ABCB9: variants seen among roughly 807,000 people sequenced by gnomAD.
ABCB9 encodes ATP binding cassette subfamily B member 9, also known as ABC-type oligopeptide transporter ABCB9.
A neutral mutation model predicts 62.0 loss-of-function variants in ABCB9; 36 were observed. That is an observed-to-expected ratio of 0.58 (90% CI 0.45 to 0.77). The LOEUF is 0.77. ABCB9 is among the 30% of genes least tolerant of loss of function. The probability of loss-of-function intolerance (pLI) is 0.00; values close to 1 mark genes in which losing one functional copy is unlikely to be tolerated. For missense variants in ABCB9, 943 were observed against 1,054.7 expected (o/e 0.89, Z 1.47); for synonymous variants, 435 against 461.4 (o/e 0.94, Z 0.73).
At chr12:122,928,789 C>T (rs757631072), downstream of ABCB9, among the ~76,000 whole-genome samples, 1 of 152,056 alleles carries the variant, frequency 6.6e-6, no homozygotes, top group African/African-American at 2.4e-5. Context: ...GCGCAATCCC[C>T]GTGGAGACAG....
downstream of ABCB9, among the ~76,000 whole-genome samples, chr12:122,928,468 C>CAAA (rs60751364): frequency 2.3e-5 from 2 of 87,438 alleles, no homozygotes; most frequent in Non-Finnish European, 5.1e-5. Flanking sequence ...GGCTCTGTCT[C>CAAA]AAAAAAAAAA....
chr12:122,973,574 A>G (rs2037315788), intron 1 of ABCB9, among the ~76,000 whole-genome samples: 1 of 126,148 alleles, frequency 7.9e-6, no homozygotes, highest in Non-Finnish European at 1.6e-5. Flanking sequence ...CCGTCTCAAA[A>G]AAAGAAAAAA....
chr12:122,973,518 T>G (rs531232021), intron 1 of ABCB9, among the ~76,000 whole-genome samples: 1 of 103,260 alleles, frequency 9.7e-6, no homozygotes, highest in African/African-American at 4.0e-5. Context: ...GAGCCGAGAT[T>G]GCGCCACTGC....
intron 4 of ABCB9, among the ~76,000 whole-genome samples, 167 bp downstream of exon 4, chr12:122,949,621 T>A (rs2036244669): frequency 6.6e-6 from 1 of 152,038 alleles, no homozygotes. Flanking sequence ...GCAAGCCAGC[T>A]CCCAGGACAC....
chr12:122,972,104 G>C (rs1307699966), intron 1 of ABCB9, among the ~76,000 whole-genome samples: 1 of 145,238 alleles, frequency 6.9e-6, no homozygotes, highest in Non-Finnish European at 1.5e-5. Flanking sequence ...GAGTGCAGTG[G>C]TGCAATCTTG....
intron 7 of ABCB9, among the ~76,000 whole-genome samples, chr12:122,943,094 C>T (rs910934380): frequency 3.9e-5 from 6 of 152,164 alleles, no homozygotes; most frequent in African/African-American, 1.4e-4. Context: ...AGAGAATTAA[C>T]ACCCTCACTC....
At position 122,929,959 on chromosome 12, in the gene ABCB9, G is replaced by C; in HGVS notation, c.2253C>G (p.Phe751Leu). 6.3e-7 allele frequency: 1 copy of C among 1,581,568 alleles called. No homozygotes were observed. Among genetic ancestry groups the C allele is most frequent in the Non-Finnish European group, 8.6e-7 (1 of 1,165,882 alleles). The part of the protein sequence containing the change: ...QMLGLQPAAD[F>L]TAGHNEPVAN... ...CTACAGGCTCGTTGTGGCCAGCTGT[G>C]AAGTCTGCGGCGGGCTGAAGCCCCA... The change falls in exon 12 of 12, where the codon TTC becomes TTG. Residue 751 changes from phenylalanine to leucine, a missense_variant. By Grantham distance (22) the Phe-to-Leu change is conservative. Coordinates refer to ENST00000280560, the MANE Select transcript of ABCB9 (RefSeq NM_019625.4). The surrounding 1 kb of genome is among the most constrained non-coding windows in gnomAD (Gnocchi z 6.0).
intron 1 of ABCB9, among the ~76,000 whole-genome samples, chr12:122,965,122 C>G (rs1232865657): frequency 6.6e-6 from 1 of 152,152 alleles, no homozygotes; most frequent in Non-Finnish European, 1.5e-5. Flanking sequence ...CTGGGAGGAC[C>G]CTGTGGTCAT....
At chr12:122,948,484 G>A (rs985650874) in intron 5 of ABCB9, 140 bp downstream of exon 5, 15 of 765,930 alleles carry the variant, frequency 2.0e-5, no homozygotes, top group African/African-American at 1.6e-4. Context: ...TTGAATGAGC[G>A]AAGAAATGAA....
intron 9 of ABCB9, among the ~76,000 whole-genome samples, chr12:122,938,901 G>C (rs1219766310): frequency 6.6e-6 from 1 of 151,744 alleles, no homozygotes; most frequent in African/African-American, 2.4e-5. Flanking sequence ...GCGAGGCACG[G>C]TGGCTCACGC....
chr12:122,919,889 A>G (rs1010223403), downstream of ABCB9, among the ~76,000 whole-genome samples: 120 of 111,738 alleles, frequency 1.1e-3, no homozygotes, highest in Middle Eastern at 9.4e-3. Flanking sequence ...TTGTTTATTT[A>G]TTTATTTATT....
intron 9 of ABCB9, among the ~76,000 whole-genome samples, chr12:122,938,215 G>A (rs1455579682): frequency 6.6e-6 from 1 of 152,026 alleles, no homozygotes; most frequent in Non-Finnish European, 1.5e-5. Context: ...TTTTGGTAAT[G>A]GTAAAACAAA....
At position 122,944,471 on chromosome 12, in the gene ABCB9, G is replaced by A; in HGVS notation, c.1300C>T (p.Leu434Phe). The A allele has an allele frequency of 1.2e-6, 2 of 1,614,090 alleles. No individual in the cohort carries two copies. Among genetic ancestry groups the A allele is most frequent in the Non-Finnish European group, 1.7e-6 (2 of 1,179,982 alleles). Reference protein sequence around the residue: ...QVSILYYGGHLVISGQMTSGN... With the variant: ...QVSILYYGGHFVISGQMTSGN... The stretch of plus-strand genomic sequence containing the variant: ...CTGGTCATCTGGCCTGAGATGACAA[G>A]GTGGCCCCCGTAGTAGAGGATGCTG... The change falls in exon 7 of 12, where the codon CTT becomes TTT. Residue 434 changes from leucine (L) to phenylalanine (F), a missense_variant. Coordinates refer to ENST00000280560, the MANE Select transcript of ABCB9 (RefSeq NM_019625.4). The surrounding 1 kb of genome is among the most constrained non-coding windows in gnomAD (Gnocchi z 4.9).
At chr12:122,922,290 T>C (rs559131162) in intron 11 of ABCB9, among the ~76,000 whole-genome samples, 1 of 152,302 alleles carries the variant, frequency 6.6e-6, no homozygotes, top group South Asian at 2.1e-4. Flanking sequence ...AACAAACACA[T>C]GGTACCCACC....
chr12:122,971,386 C>CAAAAAAAAAAAAAAAAAAAAAAAAAAAAA, upstream of ABCB9, among the ~76,000 whole-genome samples: 1 of 53,942 alleles, frequency 1.9e-5, no homozygotes, highest in Non-Finnish European at 4.3e-5. Flanking sequence ...GACTCCATCT[C>CAAAAAAAAAAAAAAAAAAAAAAAAAAAAA]AAAAAAAAAA....
chr12:122,952,029 C>T (rs1449373316), intron 2 of ABCB9: 1 of 152,368 alleles, frequency 6.6e-6, no homozygotes, highest in African/African-American at 2.4e-5. Context: ...CGCCCTTCCA[C>T]CTTCTGCAGC....
At chr12:122,950,590 G>A (rs1439085661) in intron 2 of ABCB9, 25 bp from the exon 3 acceptor site, 4 of 1,591,286 alleles carry the variant, frequency 2.5e-6, no homozygotes, top group Non-Finnish European at 3.4e-6. Context: ...GCAGCCTCAG[G>A]GACGTCTGCA....
rs2035739930 is a variant in ABCB9, at chr12:122,941,055, T to C, written c.1381-60A>G. The C allele has an allele frequency of 2.7e-6, 4 of 1,493,476 alleles. No individual in the cohort carries two copies. The South Asian group carries it at 3.9e-5, about 15-fold the overall frequency. The allele number at this position is 1,493,476 out of a possible 1,614,324, so 92.5% of individuals were successfully genotyped here. On this transcript the variant is annotated intron_variant, in intron 7 of 11. Transcript: ENST00000280560. ...ATACCCGACTCCTGGGACCCACCCC[T>C]GCTACTAGAGAGGAGGCAGGTATAG...
chr12:122,921,449 A>G (rs2034744724), intron 11 of ABCB9, among the ~76,000 whole-genome samples: 1 of 151,996 alleles, frequency 6.6e-6, no homozygotes, highest in Non-Finnish European at 1.5e-5. Flanking sequence ...TGCAATGGTT[A>G]ATGTTATGTT....
Sources: allele counts gnomAD v4.1 joint callset (sites outside exome capture counted in the v4.1 genomes callset), GRCh38; gene constraint gnomAD v4.1.1; non-coding constraint Gnocchi (gnomAD v3.1); transcripts MANE v1.5; gene names NCBI Gene and HGNC (gene_info 2026-07-23, HGNC 2026-07-21).